ACBD5: variants seen among roughly 807,000 people sequenced by gnomAD.
ACBD5 encodes the protein acyl-CoA-binding domain-containing protein 5.
ACBD5 carries 40 observed loss-of-function variants against 71.8 expected under a neutral mutation model. The ratio of observed to expected loss-of-function variants is 0.56; its 90% confidence interval spans 0.43 to 0.72. The LOEUF is 0.72. Ranked by LOEUF, ACBD5 falls within the 30% of genes least tolerant of loss-of-function variation. The pLI, the probability that ACBD5 is intolerant of heterozygous loss-of-function variation, is 0.00. For missense variants in ACBD5, 559 were observed against 644.5 expected (o/e 0.87, Z 1.44); for synonymous variants, 229 against 218.6 (o/e 1.05, Z -0.42).
intron 8 of ACBD5, among the ~76,000 whole-genome samples, chr10:27,212,069 G>A (rs994874263): frequency 2.0e-5 from 3 of 152,144 alleles, no homozygotes; most frequent in Admixed American, 2.0e-4. Context: ...CCAGCAAGGG[G>A]CCGGCATGGT....
intron 9 of ACBD5, among the ~76,000 whole-genome samples, chr10:27,209,235 T>C (rs1265399518): frequency 2.0e-5 from 3 of 152,142 alleles, no homozygotes; most frequent in African/African-American, 7.2e-5. Flanking sequence ...CCCTGGAGAC[T>C]ACTTCTTTAG....
At chr10:27,186,168 C>T (rs1280382470) in intron 13 of ACBD5, among the ~76,000 whole-genome samples, 5 of 152,168 alleles carry the variant, frequency 3.3e-5, no homozygotes, top group Admixed American at 1.3e-4. Context: ...ACAAACCAGG[C>T]ACCTGTCATA....
chr10:27,235,063 T>C (rs748030918), intron 3 of ACBD5, 29 bp downstream of exon 3: 2 of 1,607,608 alleles, frequency 1.2e-6, no homozygotes, highest in Admixed American at 3.3e-5. Context: ...AAAATTTAAA[T>C]TCTTGCATAG....
chr10:27,188,249 A>G (rs1416547848), intron 13 of ACBD5, among the ~76,000 whole-genome samples: 1 of 152,230 alleles, frequency 6.6e-6, no homozygotes, highest in African/African-American at 2.4e-5. Flanking sequence ...TTCAAAATAC[A>G]GTTGTTCAAA....
chr10:27,215,500 T>C, intron 8 of ACBD5, 35 bp downstream of exon 8: 3 of 1,468,324 alleles, frequency 2.0e-6, no homozygotes, highest in Non-Finnish European at 2.8e-6. Context: ...ATACACCACT[T>C]TGAAAATACA....
chr10:27,226,025 C>A (rs571214517), intron 4 of ACBD5, among the ~76,000 whole-genome samples: 1 of 152,160 alleles, frequency 6.6e-6, no homozygotes, highest in South Asian at 2.1e-4. Context: ...AAAGGAGTAT[C>A]CATTGGCAGT....
At chr10:27,191,052 A>G (rs2059056201), downstream of ACBD5, among the ~76,000 whole-genome samples, 1 of 152,198 alleles carries the variant, frequency 6.6e-6, no homozygotes, top group African/African-American at 2.4e-5. Context: ...ATGTCTGCAA[A>G]TTCTTTTACA....
At chr10:27,219,578 G>T in intron 6 of ACBD5, 145 bp downstream of exon 6, 2 of 1,020,250 alleles carry the variant, frequency 2.0e-6, no homozygotes, top group Non-Finnish European at 3.0e-6. Flanking sequence ...AGAGCCTTTT[G>T]GTCCACAGCA....
downstream of ACBD5, among the ~76,000 whole-genome samples, chr10:27,194,612 A>AAATAAAATAAT (rs373011863): frequency 7.4e-6 from 1 of 135,592 alleles, no homozygotes; most frequent in African/African-American, 2.9e-5. Flanking sequence ...ACTCCATCTC[A>AAATAAAATAAT]AATAATAATA....
intron 2 of ACBD5, among the ~76,000 whole-genome samples, chr10:27,236,851 C>G (rs532653454): frequency 1.2e-4 from 16 of 134,658 alleles, no homozygotes; most frequent in African/African-American, 4.2e-4. Context: ...CACCACTGCA[C>G]TACAGCCTGG....
intron 13 of ACBD5, among the ~76,000 whole-genome samples, chr10:27,183,952 T>C (rs2058479246): frequency 1.3e-5 from 2 of 152,122 alleles, no homozygotes; most frequent in South Asian, 4.1e-4. Context: ...GCTCAAGCCA[T>C]CCGCCCACCT....
At chr10:27,232,491 G>A (rs1200109822) in intron 3 of ACBD5, among the ~76,000 whole-genome samples, 2 of 151,984 alleles carry the variant, frequency 1.3e-5, no homozygotes, top group Non-Finnish European at 2.9e-5. Context: ...CCCACACCCA[G>A]ATAATTTTTG....
chr10:27,214,352 T>A (rs564748193), intron 8 of ACBD5, among the ~76,000 whole-genome samples: 15 of 152,006 alleles, frequency 9.9e-5, no homozygotes, highest in Middle Eastern at 3.4e-3. Context: ...ATATACCCCA[T>A]AAATATATAT....
At chr10:27,230,523 A>G (rs2063711184) in intron 4 of ACBD5, among the ~76,000 whole-genome samples, 1 of 152,166 alleles carries the variant, frequency 6.6e-6, no homozygotes, top group Non-Finnish European at 1.5e-5. Flanking sequence ...TCTGCCGGGC[A>G]TGGTGGCTAA....
chr10:27,191,637 A>G (rs1588887621), downstream of ACBD5, among the ~76,000 whole-genome samples: 1 of 152,318 alleles, frequency 6.6e-6, no homozygotes, highest in East Asian at 1.9e-4. Flanking sequence ...TAAGCCTAAC[A>G]CTTTGGGAGA....
rs2064476212 is a variant in ACBD5, at chr10:27,235,094, T to C, written c.300A>G (p.Lys100=). The C allele has an allele frequency of 1.2e-6, 2 of 1,613,874 alleles. No individual in the cohort carries two copies. Among genetic ancestry groups the C allele is most frequent in the Non-Finnish European group, 1.7e-6 (2 of 1,179,866 alleles). ...PGFWDPIGRY[K]WDAWSSLGDM... is the part of the protein sequence containing the mutation. The stretch of plus-strand genomic sequence containing the variant: ...CATAGCTCTACACAAAAAATTACCA[T>C]TTATATCTTCCAATAGGATCCCAAA... The change falls in exon 3 of 13, where the codon AAA becomes AAG. Residue 100 remains lysine (K), a splice_region_variant and synonymous_variant. Transcript: ENST00000396271.
At position 27,203,196 on chromosome 10, in the gene ACBD5, G is replaced by A. The variant is rs1564568120; in HGVS notation, c.1565+1244C>T. On this transcript the variant is annotated intron_variant, in intron 12 of 12. Coordinates refer to ENST00000396271, the MANE Select transcript of ACBD5 (RefSeq NM_145698.5). ...GGAGACAGTCTCACTTTCTTGCCCAGGCTGTTCTTGAATTCCTGGGCTCAA... is the reference window on the plus strand; with the variant it reads ...GGAGACAGTCTCACTTTCTTGCCCAAGCTGTTCTTGAATTCCTGGGCTCAA... Among the ~76,000 whole-genome samples the A allele has an allele frequency of 2.0e-5, 3 of 151,836 alleles. 1 individual carries two copies. The South Asian group carries it at 6.2e-4, about 32-fold the overall frequency.
At chr10:27,217,418 T>A (rs570500428) in intron 7 of ACBD5, among the ~76,000 whole-genome samples, 1 of 147,098 alleles carries the variant, frequency 6.8e-6, no homozygotes, top group East Asian at 2.0e-4. Flanking sequence ...ATTGCGCCAC[T>A]GCACTCCAGC....
rs2065407235 is a variant in ACBD5 at position 27,240,790 on chromosome 10, G to A, written c.-102C>T. ...CAGCCACACCCCCCATTCCGCCGGA[G>A]TCCGTCTGTCAGTCCGTGCCCTCCC... is the stretch of plus-strand genomic sequence containing the variant. On this transcript the variant is annotated 5_prime_UTR_variant, in exon 1 of 13. Coordinates refer to ENST00000396271, the MANE Select transcript of ACBD5 (RefSeq NM_145698.5). This position sits in a 1 kb window ranked among gnomAD's most constrained non-coding sequence, Gnocchi z 4.1. 2 of 1,516,990 alleles carry A rather than the reference G, an allele frequency of 1.3e-6. No individual in the cohort carries two copies. The highest frequency in any genetic ancestry group is 1.8e-6 in the Non-Finnish European group (2 of 1,118,058). The allele number at this position is 1,516,990 out of a possible 1,614,324, so 94.0% of individuals were successfully genotyped here.
Sources: gnomAD v4.1 joint callset for allele counts (sites outside exome capture counted in the v4.1 genomes callset) on GRCh38, gnomAD v4.1.1 for gene constraint, Gnocchi (gnomAD v3.1) non-coding constraint, MANE v1.5 for transcripts, NCBI Gene and HGNC (gene_info 2026-07-23, HGNC 2026-07-21) for gene names.